RILPL2: variants seen among roughly 807,000 people sequenced by gnomAD.
RILPL2 encodes the protein Rab interacting lysosomal protein like 2.
Under a neutral mutation model 22.2 loss-of-function variants are expected in RILPL2, and 19 were observed. The observed-to-expected ratio is 0.86, with a 90% CI of 0.60 to 1.25. RILPL2 has a LOEUF of 1.25. Among genes scored for constraint, RILPL2 ranks in the 50% most tolerant of loss-of-function variants. RILPL2 has a pLI of 0.00. For missense variants in RILPL2, 243 were observed against 263.6 expected, an observed-to-expected ratio of 0.92 and a Z score of 0.54; for synonymous variants, 123 against 111.6, an observed-to-expected ratio of 1.10 and a Z score of -0.64.
intron 3 of RILPL2, among the ~76,000 whole-genome samples, chr12:123,416,348 A>G (rs1042691169): frequency 6.6e-6 from 1 of 150,686 alleles, no homozygotes; most frequent in Admixed American, 6.6e-5. Flanking sequence ...AAGCAAAAAA[A>G]CCCCAAAAAA....
Position 123,424,331 on chromosome 12 carries a change from A to ATTT in RILPL2, c.492-1177_492-1175dup, listed in dbSNP as rs56046247. Among the ~76,000 whole-genome samples the ATTT allele has an allele frequency of 1.6e-4, 22 of 135,180 alleles. 2 individuals are homozygous for ATTT. In the South Asian group the frequency reaches 2.8e-3, roughly 17 times the overall value. The allele number at this position is 135,180 out of a possible 152,430, so 88.7% of individuals were successfully genotyped here. A position where few individuals can be genotyped will look rare whatever the true frequency, so the allele number is the denominator to read the frequency against. The stretch of plus-strand genomic sequence containing the variant: ...TAAGTCAGATGTTGATAAGAGTTAG[A>ATTT]TTTTTTTTTTTTTTTTTTGAGACAG... On this transcript the variant is annotated intron_variant, in intron 2 of 3. Coordinates refer to ENST00000280571, the MANE Select transcript of RILPL2 (RefSeq NM_145058.3).
At chr12:123,428,166 T>G (rs1259283613) in intron 2 of RILPL2, among the ~76,000 whole-genome samples, 4 of 152,154 alleles carry the variant, frequency 2.6e-5, no homozygotes, top group African/African-American at 9.7e-5. Context: ...AGATGGAGTC[T>G]CGCTCTTCCG....
intron 1 of RILPL2, among the ~76,000 whole-genome samples, chr12:123,434,216 C>T (rs1319909503): frequency 9.9e-5 from 15 of 151,672 alleles, no homozygotes; most frequent in African/African-American, 2.7e-4. Flanking sequence ...CCCAGGAGTT[C>T]GAGACCAGCC....
chr12:123,430,270 A>G (rs11519541), intron 2 of RILPL2, among the ~76,000 whole-genome samples: 45,097 of 149,524 alleles, frequency 0.3, 7,613 homozygotes, highest in South Asian at 0.47. Context: ...TTAGCCAGGC[A>G]CGGTGGCGGG....
At chr12:123,415,983 C>A (rs1312906061) in intron 3 of RILPL2, 62 bp from the exon 4 acceptor site, 5 of 1,560,424 alleles carry the variant, frequency 3.2e-6, no homozygotes, top group South Asian at 2.2e-5. Flanking sequence ...GGCACAGCAA[C>A]CCCCGTAAAA....
At chr12:123,435,864 A>ACAC (rs1262365219) in intron 1 of RILPL2, among the ~76,000 whole-genome samples, 2 of 152,100 alleles carry the variant, frequency 1.3e-5, no homozygotes, top group African/African-American at 4.8e-5. Context: ...AGGGTGGCTC[A>ACAC]CACCTGTAAA....
intron 3 of RILPL2, among the ~76,000 whole-genome samples, chr12:123,421,948 G>A (rs1257680181): frequency 2.0e-5 from 3 of 150,832 alleles, no homozygotes; most frequent in Non-Finnish European, 4.4e-5. Context: ...GATTACAGGA[G>A]TAAGCCACCG....
At chr12:123,419,212 A>G (rs1353421668) in intron 3 of RILPL2, among the ~76,000 whole-genome samples, 1 of 146,968 alleles carries the variant, frequency 6.8e-6, no homozygotes, top group East Asian at 2.1e-4. Flanking sequence ...GGGTTTCACC[A>G]TGTTAGCCAG....
chr12:123,426,640 G>A (rs1334379887), intron 2 of RILPL2, among the ~76,000 whole-genome samples: 1 of 149,986 alleles, frequency 6.7e-6, no homozygotes, highest in South Asian at 2.1e-4. Flanking sequence ...TCTCGCTGTC[G>A]CCCAGGCTGG....
chr12:123,433,197 C>T (rs1364688962), intron 1 of RILPL2, among the ~76,000 whole-genome samples: 1 of 151,534 alleles, frequency 6.6e-6, no homozygotes, highest in Non-Finnish European at 1.5e-5. Flanking sequence ...ACCTCTGCCT[C>T]CCGGGTTCAA....
At chr12:123,411,597 G>A (rs1421253000), downstream of RILPL2, 2 of 120,606 alleles carry the variant, frequency 1.7e-5, no homozygotes, top group Non-Finnish European at 3.2e-5. Context: ...TCATTCTGTC[G>A]CCCAGGCTGG....
intron 3 of RILPL2, among the ~76,000 whole-genome samples, chr12:123,420,876 C>G (rs1319377656): frequency 6.6e-6 from 1 of 152,102 alleles, no homozygotes; most frequent in Non-Finnish European, 1.5e-5. Flanking sequence ...GATGCGGCTT[C>G]AGGTCTGAGT....
intron 3 of RILPL2, 98 bp from the exon 4 acceptor site, chr12:123,416,019 G>T: frequency 1.6e-6 from 2 of 1,230,338 alleles, no homozygotes; most frequent in South Asian, 2.4e-5. Flanking sequence ...TGCAGCTGTT[G>T]ACTCAAAAAT....
chr12:123,430,099 C>CAAA (rs59871132), intron 2 of RILPL2, among the ~76,000 whole-genome samples: 505 of 18,792 alleles, frequency 0.027, 199 homozygotes, highest in African/African-American at 0.072. Flanking sequence ...GTGAGACCCT[C>CAAA]AAAAAAAAAA....
At chr12:123,432,694 C>T (rs1879685469) in intron 1 of RILPL2, among the ~76,000 whole-genome samples, 1 of 152,158 alleles carries the variant, frequency 6.6e-6, no homozygotes, top group Admixed American at 6.6e-5. Context: ...AACTACCCAG[C>T]CCCTGTGCAC....
chr12:123,423,096 T>C lies in RILPL2; in HGVS notation c.553A>G (p.Ser185Gly). ...GRREKDAVVT[S>G]AKNAGRNKEE... is the part of the protein sequence containing the mutation. The stretch of plus-strand genomic sequence containing the variant: ...TTGTTCCTGCCAGCATTTTTGGCAC[T>C]AGTAACCACAGCATCTTTTTCTCTT... The change falls in exon 3 of 4, where the codon AGT becomes GGT. Residue 185 changes from serine to glycine, a missense_variant. Transcript: ENST00000280571. 5 of 1,613,958 alleles carry C rather than the reference T, an allele frequency of 3.1e-6. No homozygotes were observed. Among genetic ancestry groups the C allele is most frequent in the Non-Finnish European group, 4.2e-6 (5 of 1,179,974 alleles).
At position 123,436,462 on chromosome 12, in the gene RILPL2, A is replaced by C; in HGVS notation, c.-42T>G. The C allele has an allele frequency of 6.5e-7, 1 of 1,530,478 alleles. No individual in the cohort carries two copies. Among genetic ancestry groups the C allele is most frequent in the Non-Finnish European group, 8.8e-7 (1 of 1,141,734 alleles). 94.8% of individuals were successfully genotyped at this position (1,530,478 alleles called of 1,614,324 possible). ...GCCGACCTCGGAGCTGCTGTCTTGGAGTCTCCCAAAGGTTAGACTTCCTCC... is the reference window on the plus strand; with the variant it reads ...GCCGACCTCGGAGCTGCTGTCTTGGCGTCTCCCAAAGGTTAGACTTCCTCC... On this transcript the variant is annotated 5_prime_UTR_variant, in exon 1 of 4. Transcript: ENST00000280571. The surrounding 1 kb of genome is among the most constrained non-coding windows in gnomAD (Gnocchi z 6.7).
Position 123,415,603 on chromosome 12 carries a change from G to A in RILPL2, c.*288C>T, listed in dbSNP as rs147078105. 1.3e-3 allele frequency: 688 copies of A among 518,230 alleles called. 1 individual carries two copies. The highest frequency in any genetic ancestry group is 3.1e-3 in the Middle Eastern group (6 of 1,960). 32.1% of individuals were successfully genotyped at this position (518,230 alleles called of 1,614,324 possible). ...CGCGTCTGCACGCTGGAGGCCCTGG[G>A]GGTTGACATGGGAGCAGGAAGTGGA... On this transcript the variant is annotated 3_prime_UTR_variant, in exon 4 of 4. Transcript: ENST00000280571.
intron 3 of RILPL2, among the ~76,000 whole-genome samples, chr12:123,419,464 A>C (rs1395740238): frequency 6.6e-6 from 1 of 152,170 alleles, no homozygotes; most frequent in East Asian, 1.9e-4. Context: ...AGCATGTTCC[A>C]ATGCTGGGAC....
Sources: allele counts gnomAD v4.1 joint callset (sites outside exome capture counted in the v4.1 genomes callset), GRCh38; gene constraint gnomAD v4.1.1; non-coding constraint Gnocchi (gnomAD v3.1); transcripts MANE v1.5; gene names NCBI Gene and HGNC (gene_info 2026-07-23, HGNC 2026-07-21).